TGFB2: variants seen among roughly 807,000 people sequenced by gnomAD.
TGFB2 encodes transforming growth factor beta 2.
In TGFB2, 13 loss-of-function variants were observed where a neutral mutation model predicts 42.7. The ratio of observed to expected loss-of-function variants is 0.30; its 90% confidence interval spans 0.20 to 0.48. TGFB2 has a LOEUF of 0.48. TGFB2 is among the 20% of genes least tolerant of loss of function. TGFB2 has a pLI of 0.99. For synonymous variants in TGFB2, 193 were observed against 193.6 expected, an observed-to-expected ratio of 1.00 and a Z score of 0.03; for missense variants, 390 against 517.5, an observed-to-expected ratio of 0.75 and a Z score of 2.39.
At chr1:218,392,079 C>A (rs1348704567) in intron 1 of TGFB2, among the ~76,000 whole-genome samples, 1 of 152,134 alleles carries the variant, frequency 6.6e-6, no homozygotes, top group Non-Finnish European at 1.5e-5. Context: ...CGGCCAGGCA[C>A]GGTGGCTCAC....
chr1:218,356,336 C>G (rs956797429), intron 1 of TGFB2, among the ~76,000 whole-genome samples: 4 of 152,004 alleles, frequency 2.6e-5, no homozygotes, highest in Admixed American at 1.3e-4. Context: ...CCTGCCTCAG[C>G]CTCTACAATA....
intron 2 of TGFB2, among the ~76,000 whole-genome samples, chr1:218,420,414 A>G (rs963816650): frequency 6.6e-6 from 1 of 152,184 alleles, no homozygotes; most frequent in Non-Finnish European, 1.5e-5. Context: ...TGGTCTCATG[A>G]ATGCTACTGA....
Position 218,434,321 on chromosome 1 carries a change from G to A in TGFB2, c.644-17G>A, listed in dbSNP as rs763063217. 1 of 1,612,840 alleles carries A rather than the reference G, an allele frequency of 6.2e-7. No homozygotes were observed. On this transcript the variant is annotated splice_polypyrimidine_tract_variant and intron_variant, in intron 3 of 6. Coordinates refer to ENST00000366930, the MANE Select transcript of TGFB2 (RefSeq NM_003238.6). Reference sequence around the variant, plus strand: ...AGACACACATACAAATGACCTCCTTGACTTAATGTTTTCCAGACAGGAACC... The same window carrying A: ...AGACACACATACAAATGACCTCCTTAACTTAATGTTTTCCAGACAGGAACC...
At chr1:218,432,452 G>T (rs538734636) in intron 2 of TGFB2, among the ~76,000 whole-genome samples, 51 of 152,212 alleles carry the variant, frequency 3.4e-4, no homozygotes, top group African/African-American at 1.2e-3. Flanking sequence ...GGGTCTAATT[G>T]TATGAATCTC....
rs1468887122 is a variant in TGFB2 at position 218,345,398 on chromosome 1, G to A, written c.-1304G>A. On this transcript the variant is annotated 5_prime_UTR_variant, in exon 1 of 7. Transcript: ENST00000366930. The stretch of plus-strand genomic sequence containing the variant: ...GGAGCTCCAGAAGCTCCTGACAAGA[G>A]AAAGACAGATTGAGATAGAGATAGA... The A allele has an allele frequency of 2.0e-5, 3 of 152,314 alleles. No individual in the cohort carries two copies. The highest frequency in any genetic ancestry group is 2.0e-4 in the Admixed American group (3 of 15,288). 9.4% of individuals were successfully genotyped at this position (152,314 alleles called of 1,614,324 possible). A position where few individuals can be genotyped will look rare whatever the true frequency, so the allele number is the denominator to read the frequency against.
chr1:218,349,077 T>C (rs1378959396), intron 1 of TGFB2, among the ~76,000 whole-genome samples: 1 of 152,180 alleles, frequency 6.6e-6, no homozygotes, highest in Admixed American at 6.5e-5. Flanking sequence ...CATCAATGTG[T>C]GGATTCTCCT....
chr1:218,416,991 C>T (rs1317283538), intron 2 of TGFB2, among the ~76,000 whole-genome samples: 1 of 152,308 alleles, frequency 6.6e-6, no homozygotes, highest in Non-Finnish European at 1.5e-5. Flanking sequence ...CCAATAAACC[C>T]TTTTCTCTTA....
At chr1:218,373,224 A>T (rs1404815368) in intron 1 of TGFB2, among the ~76,000 whole-genome samples, 1 of 152,104 alleles carries the variant, frequency 6.6e-6, no homozygotes, top group Non-Finnish European at 1.5e-5. Context: ...TGGAGTTGAG[A>T]ACCTGTATTT....
chr1:218,392,003 T>TAGCAC (rs1658330218), intron 1 of TGFB2, among the ~76,000 whole-genome samples: 1 of 152,154 alleles, frequency 6.6e-6, no homozygotes, highest in Non-Finnish European at 1.5e-5. Context: ...GATGGGATGT[T>TAGCAC]TGCTTACAGA....
rs529974695 is a variant in TGFB2, at chr1:218,364,208, G to A, written c.346+17161G>A. The stretch of plus-strand genomic sequence containing the variant: ...TTGCTTAAGGAAATGGATCGTCATG[G>A]GTCAGGCCCTCAGCCAACTGGACCT... On this transcript the variant is annotated intron_variant, in intron 1 of 6. Coordinates refer to ENST00000366930, the MANE Select transcript of TGFB2 (RefSeq NM_003238.6). 7.9e-5 allele frequency among the ~76,000 whole-genome samples: 12 copies of A among 152,284 alleles called. No individual in the cohort carries two copies. The South Asian group carries it at 1.9e-3, about 24-fold the overall frequency.
At chr1:218,405,698 T>C (rs1176567081) in intron 2 of TGFB2, among the ~76,000 whole-genome samples, 1 of 152,130 alleles carries the variant, frequency 6.6e-6, no homozygotes, top group African/African-American at 2.4e-5. Flanking sequence ...GGCAATCAGT[T>C]TGAGGTCTTA....
intron 6 of TGFB2, among the ~76,000 whole-genome samples, chr1:218,438,210 A>G (rs560104575): frequency 2.6e-5 from 4 of 152,288 alleles, no homozygotes; most frequent in Non-Finnish European, 5.9e-5. Flanking sequence ...CTATAAGCAT[A>G]AATAGCCAAG....
intron 1 of TGFB2, among the ~76,000 whole-genome samples, chr1:218,398,219 G>T (rs77795240): frequency 0.025 from 3,759 of 152,362 alleles, 72 homozygotes; most frequent in Middle Eastern, 0.048. Context: ...ATTTATCACG[G>T]ATTCCTAGGC....
At chr1:218,417,783 G>A (rs1659329727) in intron 2 of TGFB2, among the ~76,000 whole-genome samples, 1 of 152,244 alleles carries the variant, frequency 6.6e-6, no homozygotes, top group Non-Finnish European at 1.5e-5. Flanking sequence ...CTCCAGCTGT[G>A]GCTGAAAAGG....
chr1:218,373,565 A>G (rs1265711546), intron 1 of TGFB2, among the ~76,000 whole-genome samples: 1 of 152,020 alleles, frequency 6.6e-6, no homozygotes, highest in Non-Finnish European at 1.5e-5. Context: ...TATTAGCACT[A>G]TATATAAACA....
chr1:218,372,905 G>C (rs910542618), intron 1 of TGFB2, among the ~76,000 whole-genome samples: 1 of 152,122 alleles, frequency 6.6e-6, no homozygotes, highest in Non-Finnish European at 1.5e-5. Flanking sequence ...GGCTGGGCAC[G>C]GTGGCTCACG....
At chr1:218,379,126 C>CTTTTTTTTT (rs748882381) in intron 1 of TGFB2, among the ~76,000 whole-genome samples, 13 of 143,770 alleles carry the variant, frequency 9.0e-5, no homozygotes, top group East Asian at 4.1e-4. Context: ...TTCTTTCTTT[C>CTTTTTTTTT]TTTCTTTTTT....
At chr1:218,421,850 A>T (rs1054331117) in intron 2 of TGFB2, among the ~76,000 whole-genome samples, 22 of 152,310 alleles carry the variant, frequency 1.4e-4, no homozygotes, top group African/African-American at 4.1e-4. Flanking sequence ...CCATGTGAAG[A>T]TGAAGGCAGA....
At chr1:218,405,045 TG>T in intron 1 of TGFB2, 123 bp from the exon 2 acceptor site, 1 of 1,079,148 alleles carries the variant, frequency 9.3e-7, no homozygotes, top group Non-Finnish European at 1.3e-6. Flanking sequence ...GGTATTAAAC[TG>T]GCCGTTGGAA....
Sources: allele counts gnomAD v4.1 joint callset (sites outside exome capture counted in the v4.1 genomes callset), GRCh38; gene constraint gnomAD v4.1.1; transcripts MANE v1.5; gene names NCBI Gene and HGNC (gene_info 2026-07-23, HGNC 2026-07-21).